Variants in TRPC7 observed in about 807,000 individuals in gnomAD.
The protein encoded by TRPC7 is short transient receptor potential channel 7.
In TRPC7, 42 loss-of-function variants were observed where a neutral mutation model predicts 90.1. The observed-to-expected ratio is 0.47, with a 90% CI of 0.36 to 0.60. TRPC7 has a LOEUF of 0.60. Ranked by LOEUF, TRPC7 falls within the 20% of genes least tolerant of loss-of-function variation. The pLI is 0.00. For missense variants in TRPC7, 955 were observed against 1,112.3 expected (o/e 0.86, Z 2.01); for synonymous variants, 451 against 436.3 (o/e 1.03, Z -0.42).
At chr5:136,302,746 C>G (rs1350448854) in intron 3 of TRPC7, among the ~76,000 whole-genome samples, 9 of 152,174 alleles carry the variant, frequency 5.9e-5, no homozygotes, top group Admixed American at 1.3e-4. Flanking sequence ...TGTTTCCATC[C>G]TACAAGAACT....
At chr5:136,276,340 G>A (rs1054684355) in intron 3 of TRPC7, among the ~76,000 whole-genome samples, 1 of 152,178 alleles carries the variant, frequency 6.6e-6, no homozygotes, top group African/African-American at 2.4e-5. Flanking sequence ...TTTTCAAAGG[G>A]ACAACTTATC....
chr5:136,356,822 C>T lies in TRPC7; in HGVS notation c.566G>A (p.Arg189His), dbSNP rs748800350. ...GAAGTAGTCGTGGGGCCGCTCGATG[C>T]GGGCGCCCTTGAGCAGCAGGATGTG... ...IVHILLLKGA[R>H]IERPHDYFCK... Residue 189 changes from arginine (R) to histidine (H), a missense_variant, in exon 2 of 12, where the codon CGC becomes CAC. By Grantham distance (29) the Arg-to-His change is conservative. This residue lies in a region of TRPC7 where 484 missense variants were observed against 509.6 expected (regional missense o/e 0.95). Coordinates refer to ENST00000513104, the MANE Select transcript of TRPC7 (RefSeq NM_020389.3). 1.2e-6 allele frequency: 2 copies of T among 1,613,458 alleles called. No homozygotes were observed. Among genetic ancestry groups the T allele is most frequent in the Non-Finnish European group, 1.7e-6 (2 of 1,179,650 alleles).
chr5:136,220,118 G>C (rs535702766), intron 10 of TRPC7, among the ~76,000 whole-genome samples: 1 of 152,200 alleles, frequency 6.6e-6, no homozygotes, highest in South Asian at 2.1e-4. Context: ...GTCACTTCAG[G>C]ACCACTGTGA....
chr5:136,357,129 C>G lies in TRPC7; in HGVS notation c.259G>C (p.Gly87Arg), dbSNP rs71589313. ...MGQNALQLAV[G>R]NEHLEVTELL... Reference sequence around the variant, plus strand: ...TCCGTGACCTCTAGGTGCTCGTTGCCCACGGCCAGCTGCAGAGCGTTCTGC... The same window carrying G: ...TCCGTGACCTCTAGGTGCTCGTTGCGCACGGCCAGCTGCAGAGCGTTCTGC... Residue 87 changes from glycine (G) to arginine (R), a missense_variant, in exon 2 of 12, where the codon GGC becomes CGC. Coordinates refer to ENST00000513104, the MANE Select transcript of TRPC7 (RefSeq NM_020389.3). 1.2e-4 allele frequency: 197 copies of G among 1,614,000 alleles called. No homozygotes were observed. The highest frequency in any genetic ancestry group is 1.6e-4 in the Non-Finnish European group (187 of 1,180,040).
At chr5:136,339,490 T>C (rs1759775966) in intron 2 of TRPC7, among the ~76,000 whole-genome samples, 1 of 152,220 alleles carries the variant, frequency 6.6e-6, no homozygotes, top group African/African-American at 2.4e-5. Context: ...ATTCCCCAAT[T>C]GGTCCTATAG....
At position 136,280,679 on chromosome 5, in the gene TRPC7, G is replaced by A. The variant is rs560548040; in HGVS notation, c.964-5842C>T. 1.1e-4 allele frequency among the ~76,000 whole-genome samples: 16 copies of A among 152,318 alleles called. No individual in the cohort carries two copies. The South Asian group carries it at 2.9e-3, about 28-fold the overall frequency. On this transcript the variant is annotated intron_variant, in intron 3 of 11. Transcript: ENST00000513104. ...GAAATATGAGTCCAAAATAAGGTTT[G>A]AGGATTATCTCTTGGATTAGATGAG...
intron 8 of TRPC7, 71 bp downstream of exon 8, chr5:136,231,283 C>T: frequency 7.6e-7 from 1 of 1,317,300 alleles, no homozygotes; most frequent in South Asian, 1.6e-5. Context: ...TAACATCATT[C>T]CCCTCATTGC....
Position 136,312,495 on chromosome 5 carries a change from C to A in TRPC7, c.963+3102G>T, listed in dbSNP as rs551412922. ...TCATTTGGAAGTTCACACACACACA[C>A]AAAAAAAAACCTCTGTGAAGCAAAA... is the stretch of plus-strand genomic sequence containing the variant. On this transcript the variant is annotated intron_variant, in intron 3 of 11. Transcript: ENST00000513104. 2.4e-3 allele frequency among the ~76,000 whole-genome samples: 359 copies of A among 150,854 alleles called. 1 individual carries two copies. Among genetic ancestry groups the A allele is most frequent in the Middle Eastern group, 6.8e-3 (2 of 292 alleles).
At chr5:136,218,684 A>T (rs1177120111) in intron 10 of TRPC7, among the ~76,000 whole-genome samples, 1 of 152,042 alleles carries the variant, frequency 6.6e-6, no homozygotes, top group Non-Finnish European at 1.5e-5. Flanking sequence ...TGCCCCTCAA[A>T]CTCTATTTGG....
In TRPC7 at chr5:136,213,534, A is replaced by G. The variant is rs1424643003; in HGVS notation, c.2490T>C (p.Ala830=). The change falls in exon 12 of 12, where the codon GCT becomes GCC. Residue 830 remains alanine (A), a synonymous_variant. Transcript: ENST00000513104. Reference sequence around the variant, plus strand: ...GAATCAGGTCTGCCAGCTCACCAGTAGCTTGAGATTTTTCCTCAAGAAGCT... The same window carrying G: ...GAATCAGGTCTGCCAGCTCACCAGTGGCTTGAGATTTTTCCTCAAGAAGCT... ...RYELLEEKSQ[A]TGELADLIQQ... The G allele has an allele frequency of 6.2e-7, 1 of 1,613,924 alleles. No homozygotes were observed. The highest frequency in any genetic ancestry group is 8.5e-7 in the Non-Finnish European group (1 of 1,179,896).
Position 136,247,722 on chromosome 5 carries a change from C to T in TRPC7, c.1593G>A (p.Trp531Ter). The T allele has an allele frequency of 6.2e-7, 1 of 1,612,164 alleles. No individual in the cohort carries two copies. The highest frequency in any genetic ancestry group is 8.5e-7 in the Non-Finnish European group (1 of 1,178,492). The change falls in exon 7 of 12, where the codon TGG becomes TGA. Residue 531 changes from tryptophan to a stop codon, truncating the protein, a stop_gained. Coordinates refer to ENST00000513104, the MANE Select transcript of TRPC7 (RefSeq NM_020389.3). LOFTEE classifies it high-confidence loss of function. The surrounding 1 kb of genome is among the most constrained non-coding windows in gnomAD (Gnocchi z 4.2). ...VAYFTYARDK[W>*]WPSDPQIISE... ...ATATGATCTGAGGGTCTGAAGGCCA[C>T]CACTTGTCCCTGGCTAAAAGAAAAC... is the stretch of plus-strand genomic sequence containing the variant.
At chr5:136,259,759 C>T (rs1435183821) in intron 5 of TRPC7, among the ~76,000 whole-genome samples, 1 of 152,194 alleles carries the variant, frequency 6.6e-6, no homozygotes, top group Non-Finnish European at 1.5e-5. Context: ...GAGCAATGGT[C>T]ACTGGTTCAT....
chr5:136,325,466 C>T (rs1246859621), intron 2 of TRPC7, among the ~76,000 whole-genome samples: 3 of 152,122 alleles, frequency 2.0e-5, no homozygotes, highest in African/African-American at 7.2e-5. Flanking sequence ...CCTCCCTCCT[C>T]CTTATAGGAG....
At position 136,240,244 on chromosome 5, in the gene TRPC7, T is replaced by C. The variant is rs563710722; in HGVS notation, c.1844+7227A>G. On this transcript the variant is annotated intron_variant, in intron 7 of 11. Transcript: ENST00000513104. Reference sequence around the variant, plus strand: ...TAGAGCCACCCCTTCTAGGAAGCCTTCTCTGACTGCCAGGTAGGGCTCAGT... The same window carrying C: ...TAGAGCCACCCCTTCTAGGAAGCCTCCTCTGACTGCCAGGTAGGGCTCAGT... Among the ~76,000 whole-genome samples, 3 of 152,282 alleles carry C rather than the reference T, an allele frequency of 2.0e-5. No homozygotes were observed. In the East Asian group the frequency reaches 5.8e-4, roughly 29 times the overall value.
chr5:136,315,669 G>A lies in TRPC7; in HGVS notation c.891C>T (p.Phe297=). 3 of 1,613,898 alleles carry A rather than the reference G, an allele frequency of 1.9e-6. No homozygotes were observed. ...VEAILNGDVN[F]QVWSDHHRPS... is the part of the protein sequence containing the mutation. ...GACGGTGGTGGTCGGACCAGACTTG[G>A]AAGTTCACATCACCGTTTAAAATTG... The change falls in exon 3 of 12, where the codon TTC becomes TTT. Residue 297 remains phenylalanine, a synonymous_variant. Transcript: ENST00000513104.
intron 1 of TRPC7, among the ~76,000 whole-genome samples, chr5:136,361,030 T>C (rs1250821402): frequency 1.3e-5 from 2 of 152,182 alleles, no homozygotes; most frequent in Non-Finnish European, 2.9e-5. Context: ...AAAGATGCTG[T>C]GTCAGAAAGA....
intron 10 of TRPC7, among the ~76,000 whole-genome samples, chr5:136,222,840 C>CACAA (rs1388458715): frequency 3.1e-4 from 47 of 152,332 alleles, no homozygotes; most frequent in African/African-American, 1.1e-3. Flanking sequence ...GCCTTGGCCA[C>CACAA]TGAGCCTCAA....
At position 136,215,598 on chromosome 5, in the gene TRPC7, G is replaced by A. The variant is rs147459304; in HGVS notation, c.2419+602C>T. Among the ~76,000 whole-genome samples, 1,311 of 152,166 alleles carry A rather than the reference G, an allele frequency of 8.6e-3. 65 individuals are homozygous for A. The highest frequency in any genetic ancestry group is 0.077 in the Admixed American group (1,179 of 15,270). On this transcript the variant is annotated intron_variant, in intron 11 of 11. Coordinates refer to ENST00000513104, the MANE Select transcript of TRPC7 (RefSeq NM_020389.3). Reference sequence around the variant, plus strand: ...AACACTTTGGGAGGCTGAGATGGGCGGATCACAAGGTCAGGAGTTCGAGAC... The same window carrying A: ...AACACTTTGGGAGGCTGAGATGGGCAGATCACAAGGTCAGGAGTTCGAGAC...
Position 136,216,212 on chromosome 5 carries a change from C to G in TRPC7, c.2407G>C (p.Glu803Gln), listed in dbSNP as rs752027329. 6.8e-6 allele frequency: 11 copies of G among 1,612,656 alleles called. No homozygotes were observed. In the Admixed American group the frequency reaches 1.7e-4, roughly 24 times the overall value. ...TCCAGTCATTTACCTTCATTGACTT[C>G]GTCATTTTCTCTGTCCACCTGGGCT... ...LKAQVDREND[E>Q]VNEGELKEIK... is the part of the protein sequence containing the mutation. Residue 803 changes from glutamate to glutamine, a missense_variant, in exon 11 of 12, where the codon GAA becomes CAA. Glu to Gln is a conservative substitution (Grantham distance 29). Around this residue, in one of 4 missense-constraint regions of TRPC7, gnomAD observed 296 missense variants for 422.7 expected, o/e 0.70. Transcript: ENST00000513104.
Sources: gnomAD v4.1 joint callset for allele counts (sites outside exome capture counted in the v4.1 genomes callset) on GRCh38, gnomAD v4.1.1 for gene constraint, gnomAD v4.1.1 regional missense constraint, Gnocchi (gnomAD v3.1) non-coding constraint, MANE v1.5 for transcripts, NCBI Gene and HGNC (gene_info 2026-07-23, HGNC 2026-07-21) for gene names.